The following HS6ST3 variants were observed in gnomAD, a reference collection of about 807,000 sequenced individuals.
HS6ST3 encodes heparan-sulfate 6-O-sulfotransferase 3.
Under a neutral mutation model 36.7 loss-of-function variants are expected in HS6ST3, and 12 were observed. That is an observed-to-expected ratio of 0.33 (90% CI 0.21 to 0.53). The LOEUF is 0.53. HS6ST3 is among the 20% of genes least tolerant of loss of function. The probability of loss-of-function intolerance (pLI) is 0.95; values close to 1 mark genes in which losing one functional copy is unlikely to be tolerated. For synonymous variants in HS6ST3, 240 were observed against 257.5 expected, an observed-to-expected ratio of 0.93 and a Z score of 0.65; for missense variants, 584 against 640.9, an observed-to-expected ratio of 0.91 and a Z score of 0.96.
intron 1 of HS6ST3, among the ~76,000 whole-genome samples, chr13:96,150,944 T>C (rs748651574): frequency 6.6e-6 from 1 of 151,956 alleles, no homozygotes; most frequent in Non-Finnish European, 1.5e-5. Flanking sequence ...GGAACTTGAG[T>C]GAGGAAATGT....
At chr13:96,378,323 C>T (rs2055324338) in intron 1 of HS6ST3, among the ~76,000 whole-genome samples, 1 of 152,108 alleles carries the variant, frequency 6.6e-6, no homozygotes, top group Non-Finnish European at 1.5e-5. Context: ...TAAAATGAGG[C>T]CTTACTGCAG....
At chr13:96,349,478 A>G (rs1340640319) in intron 1 of HS6ST3, among the ~76,000 whole-genome samples, 1 of 152,216 alleles carries the variant, frequency 6.6e-6, no homozygotes. Context: ...AAAAATTGAA[A>G]TAGAATGTCA....
intron 1 of HS6ST3, among the ~76,000 whole-genome samples, chr13:96,738,435 C>CT (rs1416112819): frequency 6.6e-6 from 1 of 151,574 alleles, no homozygotes; most frequent in Non-Finnish European, 1.5e-5. Flanking sequence ...TGATGCTGTT[C>CT]TGTTTGTATT....
At chr13:96,827,673 A>G (rs1878678434) in intron 1 of HS6ST3, among the ~76,000 whole-genome samples, 1 of 152,202 alleles carries the variant, frequency 6.6e-6, no homozygotes, top group African/African-American at 2.4e-5. Context: ...TAGAACTCCA[A>G]GACATAATTT....
At chr13:96,498,566 C>T (rs1191355973) in intron 1 of HS6ST3, among the ~76,000 whole-genome samples, 1 of 152,092 alleles carries the variant, frequency 6.6e-6, no homozygotes, top group Non-Finnish European at 1.5e-5. Flanking sequence ...ATTTCAATTT[C>T]CTGTATAGAA....
chr13:96,602,448 C>A (rs1406799917), intron 1 of HS6ST3, among the ~76,000 whole-genome samples: 1 of 152,156 alleles, frequency 6.6e-6, no homozygotes, highest in African/African-American at 2.4e-5. Context: ...GTAGCCAGCA[C>A]AGTTCTGTGA....
intron 1 of HS6ST3, among the ~76,000 whole-genome samples, chr13:96,425,434 A>G (rs2055581847): frequency 6.6e-6 from 1 of 152,220 alleles, no homozygotes; most frequent in Non-Finnish European, 1.5e-5. Context: ...TTTATGCAAC[A>G]AAGAAGTTCA....
chr13:96,519,835 C>T lies in HS6ST3; in HGVS notation c.708-312655C>T, dbSNP rs117346327. Among the ~76,000 whole-genome samples the T allele has an allele frequency of 1.7e-3, 253 of 152,230 alleles. 2 individuals carry two copies. The highest frequency in any genetic ancestry group is 3.1e-3 in the Non-Finnish European group (210 of 68,024). Reference sequence around the variant, plus strand: ...GTTCCTGGTTCTGCTGGGGTTACCTCCATAATGCTAAATTATAGGTATATA... The same window carrying T: ...GTTCCTGGTTCTGCTGGGGTTACCTTCATAATGCTAAATTATAGGTATATA... On this transcript the variant is annotated intron_variant, in intron 1 of 1. Transcript: ENST00000376705.
At chr13:96,626,316 A>G (rs776854789) in intron 1 of HS6ST3, among the ~76,000 whole-genome samples, 1 of 152,140 alleles carries the variant, frequency 6.6e-6, no homozygotes, top group Non-Finnish European at 1.5e-5. Context: ...CAAGGTATGC[A>G]ATCTAATTTT....
At chr13:96,367,905 C>T (rs746173051) in intron 1 of HS6ST3, among the ~76,000 whole-genome samples, 4 of 152,158 alleles carry the variant, frequency 2.6e-5, no homozygotes, top group Non-Finnish European at 5.9e-5. Context: ...CACTGAGCAG[C>T]GTTCTTTCAA....
At chr13:96,307,082 G>T (rs1328466746) in intron 1 of HS6ST3, among the ~76,000 whole-genome samples, 1 of 152,124 alleles carries the variant, frequency 6.6e-6, no homozygotes, top group Non-Finnish European at 1.5e-5. Flanking sequence ...TATAGGAAAG[G>T]GTAGTGGTAG....
chr13:96,313,635 T>C (rs1394070374), intron 1 of HS6ST3, among the ~76,000 whole-genome samples: 2 of 152,208 alleles, frequency 1.3e-5, no homozygotes, highest in African/African-American at 2.4e-5. Context: ...ACAAATGTAA[T>C]GTCCCCCATG....
chr13:96,401,763 C>T (rs981974081), intron 1 of HS6ST3, among the ~76,000 whole-genome samples: 5 of 151,964 alleles, frequency 3.3e-5, no homozygotes, highest in African/African-American at 1.2e-4. Context: ...TTCGTAGAGG[C>T]AGGGTTTCAC....
chr13:96,204,091 C>A (rs2054356965), intron 1 of HS6ST3, among the ~76,000 whole-genome samples: 1 of 151,986 alleles, frequency 6.6e-6, no homozygotes. Context: ...CATATTTAAG[C>A]TTATATGTAT....
chr13:96,247,560 C>T (rs2054590298), intron 1 of HS6ST3, among the ~76,000 whole-genome samples: 1 of 152,116 alleles, frequency 6.6e-6, no homozygotes, highest in Non-Finnish European at 1.5e-5. Context: ...TTCCTGAGGC[C>T]TCCCTCAGCC....
intron 1 of HS6ST3, among the ~76,000 whole-genome samples, chr13:96,333,699 G>A (rs536565719): frequency 2.0e-5 from 3 of 152,146 alleles, no homozygotes; most frequent in Non-Finnish European, 4.4e-5. Flanking sequence ...TGTGGATTTG[G>A]GGGTAGGTGC....
At chr13:96,755,172 C>A (rs977005531) in intron 1 of HS6ST3, among the ~76,000 whole-genome samples, 6 of 152,034 alleles carry the variant, frequency 3.9e-5, no homozygotes, top group Non-Finnish European at 5.9e-5. Flanking sequence ...ATTTCCCCAC[C>A]TGTAGATAAG....
At chr13:96,496,170 A>G (rs141753878) in intron 1 of HS6ST3, among the ~76,000 whole-genome samples, 4 of 152,304 alleles carry the variant, frequency 2.6e-5, no homozygotes, top group African/African-American at 9.6e-5. Context: ...CCCATTCCTA[A>G]ATGCCCCACC....
At chr13:96,391,020 C>T (rs2055392685) in intron 1 of HS6ST3, among the ~76,000 whole-genome samples, 1 of 152,116 alleles carries the variant, frequency 6.6e-6, no homozygotes, top group South Asian at 2.1e-4. Context: ...ATCTTTTCTG[C>T]CAGCCTGATC....
Sources: gnomAD v4.1 joint callset for allele counts (sites outside exome capture counted in the v4.1 genomes callset) on GRCh38, gnomAD v4.1.1 for gene constraint, MANE v1.5 for transcripts, NCBI Gene and HGNC (gene_info 2026-07-23, HGNC 2026-07-21) for gene names.